Variants in DISP3 observed in about 807,000 individuals in gnomAD.
DISP3 encodes the protein dispatched RND transporter family member 3.
In DISP3, 101 loss-of-function variants were observed where a neutral mutation model predicts 135.3. The observed-to-expected ratio is 0.75, with a 90% CI of 0.64 to 0.88. DISP3 has a LOEUF of 0.88. Among genes scored for constraint, DISP3 ranks in the 40% least tolerant of loss-of-function variants. The pLI is 0.00. For synonymous variants in DISP3, 856 were observed against 817.0 expected (o/e 1.05, Z -0.81); for missense variants, 1,713 against 1,878.6 (o/e 0.91, Z 1.63).
rs1396002200 is a variant in DISP3, at chr1:11,494,635, CCCAAAA to C, written c.-3-6353_-3-6348del. Among the ~76,000 whole-genome samples the C allele has an allele frequency of 7.9e-4, 121 of 152,264 alleles. 1 individual carries two copies. The highest frequency in any genetic ancestry group is 3.4e-3 in the Middle Eastern group (1 of 294). On this transcript the variant is annotated intron_variant, in intron 1 of 20. Transcript: ENST00000294484. ...CAAAATAACTCATTTTGAGCTTCTG[CCCAAAA>C]CTCTCGACCCAAGGGTAAGAGAATC...
rs1642021789 is a variant in DISP3, at chr1:11,516,698, C to T, written c.1749+537C>T. On this transcript the variant is annotated intron_variant, in intron 6 of 20. Coordinates refer to ENST00000294484, the MANE Select transcript of DISP3 (RefSeq NM_020780.2). This position sits in a 1 kb window ranked among gnomAD's most constrained non-coding sequence, Gnocchi z 5.1. ...TTGAGCCCAGGCTGGGTCCTTGGTA[C>T]AGAAAGACAGTGAATTGGCCCAAGT... is the stretch of plus-strand genomic sequence containing the variant. Among the ~76,000 whole-genome samples, 1 of 152,176 alleles carries T rather than the reference C, an allele frequency of 6.6e-6. No individual in the cohort carries two copies. Among genetic ancestry groups the T allele is most frequent in the Admixed American group, 6.5e-5 (1 of 15,278 alleles).
At chr1:11,522,583 A>G (rs61773863) in intron 10 of DISP3, among the ~76,000 whole-genome samples, 13,284 of 52,102 alleles carry the variant, frequency 0.25, 305 homozygotes, top group East Asian at 0.39. Context: ...GACCCAGCCA[A>G]GACCCAGCCA....
In DISP3 at chr1:11,536,632, CG is replaced by C. The variant is rs1557625793; in HGVS notation, c.4126del (p.Val1376CysfsTer149). On this transcript the variant is annotated frameshift_variant, in exon 21 of 21. Transcript: ENST00000294484. LOFTEE classifies it high-confidence loss of function. The surrounding 1 kb of genome is among the most constrained non-coding windows in gnomAD (Gnocchi z 4.3). ...GGGCCCTGGGGCTGGGTGCCTGCCT[CG>C]TGCTCCTGCAGAGCGGCTATAAGAT... ...AGALGLGACLVLLQSGYKIPL... is the reference protein window; with the variant it reads ...AGALGLGACLXLLQSGYKIPL... 5 of 1,604,510 alleles carry C rather than the reference CG, an allele frequency of 3.1e-6. No individual in the cohort carries two copies. The highest frequency in any genetic ancestry group is 4.2e-6 in the Non-Finnish European group (5 of 1,176,826).
intron 1 of DISP3, among the ~76,000 whole-genome samples, chr1:11,485,952 G>A (rs1428284343): frequency 6.6e-6 from 1 of 152,170 alleles, no homozygotes; most frequent in Non-Finnish European, 1.5e-5. Context: ...TTGAGGATGA[G>A]TATGATTGAA....
In DISP3 at chr1:11,536,894, G is replaced by T. The variant is rs1433206816; in HGVS notation, c.*208G>T. On this transcript the variant is annotated 3_prime_UTR_variant, in exon 21 of 21. Transcript: ENST00000294484. The surrounding 1 kb of genome is among the most constrained non-coding windows in gnomAD (Gnocchi z 4.3). ...GGAGACAGCCGCCACCCCACAGGCC[G>T]GGCTACTGGCAGCCACACTCGGCTT... 3 of 694,976 alleles carry T rather than the reference G, an allele frequency of 4.3e-6. No individual in the cohort carries two copies. Among genetic ancestry groups the T allele is most frequent in the Non-Finnish European group, 6.9e-6 (3 of 437,238 alleles). The allele number at this position is 694,976 out of a possible 1,614,324, so 43.1% of individuals were successfully genotyped here.
intron 11 of DISP3, 86 bp downstream of exon 11, chr1:11,524,141 G>A (rs1642338751): frequency 2.9e-6 from 3 of 1,038,878 alleles, no homozygotes; most frequent in Non-Finnish European, 2.9e-6. Flanking sequence ...AATTCCTTCT[G>A]GATTCTCCTT....
In DISP3 at chr1:11,519,413, G is replaced by A. The variant is rs2072994; in HGVS notation, c.1948G>A (p.Ala650Thr). 938,573 of 1,613,438 alleles carry A rather than the reference G, an allele frequency of 0.58. 287,725 individuals carry two copies. The highest frequency in any genetic ancestry group is 0.69 in the Admixed American group (41,478 of 59,980). Residue 650 changes from alanine (A) to threonine (T), a missense_variant, in exon 8 of 21, where the codon GCT (alanine) becomes ACT (threonine). This residue lies in a region of DISP3 where 1,142 missense variants were observed against 1,384.6 expected (regional missense o/e 0.82). Coordinates refer to ENST00000294484, the MANE Select transcript of DISP3 (RefSeq NM_020780.2). This position sits in a 1 kb window ranked among gnomAD's most constrained non-coding sequence, Gnocchi z 4.3. ...SLHFPGDVFA[A>T]PEQVGGSPAQ... is the part of the protein sequence containing the mutation. The stretch of plus-strand genomic sequence containing the variant: ...GCACTTCCCCGGAGACGTGTTTGCC[G>A]CTCCCGAGCAGGTTGGAGGCAGCCC...
At chr1:11,494,459 A>G (rs1251849863) in intron 1 of DISP3, among the ~76,000 whole-genome samples, 1 of 152,052 alleles carries the variant, frequency 6.6e-6, no homozygotes, top group Non-Finnish European at 1.5e-5. Context: ...TCTCGGGGAA[A>G]GGTTTGGGAT....
At chr1:11,493,109 G>A (rs942529959) in intron 1 of DISP3, among the ~76,000 whole-genome samples, 1 of 152,168 alleles carries the variant, frequency 6.6e-6, no homozygotes, top group African/African-American at 2.4e-5. Context: ...GATTATGGAG[G>A]CTGAGAAGCC....
intron 1 of DISP3, among the ~76,000 whole-genome samples, chr1:11,487,375 C>T (rs1035002911): frequency 6.6e-6 from 1 of 152,200 alleles, no homozygotes; most frequent in Admixed American, 6.5e-5. Flanking sequence ...GGCAGCTGAG[C>T]CCAGCTCTGG....
chr1:11,534,516 A>T lies in DISP3; in HGVS notation c.3511A>T (p.Lys1171Ter). The T allele has an allele frequency of 6.2e-7, 1 of 1,610,812 alleles. No homozygotes were observed. The highest frequency in any genetic ancestry group is 8.5e-7 in the Non-Finnish European group (1 of 1,177,644). Residue 1171 changes from lysine (K) to a stop codon, truncating the protein, a stop_gained, in exon 18 of 21, where the codon AAG becomes TAG. Coordinates refer to ENST00000294484, the MANE Select transcript of DISP3 (RefSeq NM_020780.2). LOFTEE classifies it high-confidence loss of function. ...RRGFQTCEHW[K>*]QIFMEIVGVQ... is the part of the protein sequence containing the mutation. Reference sequence around the variant, plus strand: ...GGGCTTCCAGACCTGCGAGCACTGGAAGCAGATATTCATGGAAATCGTAGG... The same window carrying T: ...GGGCTTCCAGACCTGCGAGCACTGGTAGCAGATATTCATGGAAATCGTAGG...
In DISP3 at chr1:11,501,416, G is replaced by T; in HGVS notation, c.424G>T (p.Asp142Tyr). The change falls in exon 2 of 21, where the codon GAC becomes TAC. Residue 142 changes from aspartate to tyrosine, a missense_variant. Physicochemically the swap from Asp to Tyr is radical, Grantham distance 160. This residue lies in a region of DISP3 where 571 missense variants were observed against 494.1 expected (regional missense o/e 1.16). Coordinates refer to ENST00000294484, the MANE Select transcript of DISP3 (RefSeq NM_020780.2). The surrounding 1 kb of genome is among the most constrained non-coding windows in gnomAD (Gnocchi z 4.9). ...SWGRNRRDLA[D>Y]FTSETLQRLI... ...GGGGCGGAACCGGCGCGATTTGGCC[G>T]ACTTCACCTCCGAGACGCTTCAGCG... is the stretch of plus-strand genomic sequence containing the variant. The T allele has an allele frequency of 1.3e-6, 2 of 1,595,706 alleles. No homozygotes were observed. Among genetic ancestry groups the T allele is most frequent in the Non-Finnish European group, 1.7e-6 (2 of 1,171,552 alleles).
chr1:11,522,903 A>AGCCCAGCCAGG (rs1642281013), intron 10 of DISP3, among the ~76,000 whole-genome samples: 3 of 21,280 alleles, frequency 1.4e-4, no homozygotes, highest in African/African-American at 4.0e-4. Flanking sequence ...ACCCAGCCAG[A>AGCCCAGCCAGG]GCCCAGCCAG....
At chr1:11,513,554 A>G (rs1641917763) in intron 3 of DISP3, among the ~76,000 whole-genome samples, 1 of 148,086 alleles carries the variant, frequency 6.8e-6, no homozygotes, top group African/African-American at 2.6e-5. Flanking sequence ...GCTTTTTAAG[A>G]TTTTCTTTTG....
chr1:11,536,706 A>G lies in DISP3; in HGVS notation c.*20A>G, dbSNP rs773043120. The stretch of plus-strand genomic sequence containing the variant: ...CTATAGCCCGGGACGGGCTCTGGAC[A>G]CTTGCACCTTTGGTCCCATGGGTGG... On this transcript the variant is annotated 3_prime_UTR_variant, in exon 21 of 21. Transcript: ENST00000294484. This position sits in a 1 kb window ranked among gnomAD's most constrained non-coding sequence, Gnocchi z 4.3. The G allele has an allele frequency of 1.3e-6, 2 of 1,510,188 alleles. No homozygotes were observed. Among genetic ancestry groups the G allele is most frequent in the Non-Finnish European group, 1.8e-6 (2 of 1,131,748 alleles). The allele number at this position is 1,510,188 out of a possible 1,614,324, so 93.5% of individuals were successfully genotyped here.
rs528569282 is a variant in DISP3 at position 11,519,445 on chromosome 1, G to A, written c.1980G>A (p.Gln660=). 6.2e-7 allele frequency: 1 copy of A among 1,613,712 alleles called. No homozygotes were observed. Among genetic ancestry groups the A allele is most frequent in the East Asian group, 2.2e-5 (1 of 44,878 alleles). ...AGCAGGTTGGAGGCAGCCCTGCCCA[G>A]GGCCCCATACCCTACCTGGATGATG... ...APEQVGGSPA[Q]GPIPYLDDDI... The change falls in exon 8 of 21, where the codon CAG becomes CAA. Residue 660 remains glutamine (Q), a synonymous_variant. Coordinates refer to ENST00000294484, the MANE Select transcript of DISP3 (RefSeq NM_020780.2). This position sits in a 1 kb window ranked among gnomAD's most constrained non-coding sequence, Gnocchi z 4.3.
chr1:11,497,221 T>G (rs994999397), intron 1 of DISP3, among the ~76,000 whole-genome samples: 1 of 152,152 alleles, frequency 6.6e-6, no homozygotes, highest in Non-Finnish European at 1.5e-5. Context: ...TTAAAAAATT[T>G]TTCCATAGGT....
At chr1:11,486,664 C>T (rs971391435) in intron 1 of DISP3, among the ~76,000 whole-genome samples, 7 of 152,002 alleles carry the variant, frequency 4.6e-5, no homozygotes, top group Non-Finnish European at 7.4e-5. Context: ...GAGTTGAAGA[C>T]ATCACTAAGT....
rs1641436151 is a variant in DISP3 at position 11,499,394 on chromosome 1, T to C, written c.-3-1596T>C. Among the ~76,000 whole-genome samples, 1 of 152,148 alleles carries C rather than the reference T, an allele frequency of 6.6e-6. No homozygotes were observed. Among genetic ancestry groups the C allele is most frequent in the South Asian group, 2.1e-4 (1 of 4,828 alleles). On this transcript the variant is annotated intron_variant, in intron 1 of 20. Coordinates refer to ENST00000294484, the MANE Select transcript of DISP3 (RefSeq NM_020780.2). This position sits in a 1 kb window ranked among gnomAD's most constrained non-coding sequence, Gnocchi z 5.2. Reference sequence around the variant, plus strand: ...AGAGGCTCCCACACTCACCTCCACATGCAGACTTGGTTTTTCCCTTTGGAG... The same window carrying C: ...AGAGGCTCCCACACTCACCTCCACACGCAGACTTGGTTTTTCCCTTTGGAG...
Sources: allele counts gnomAD v4.1 joint callset (sites outside exome capture counted in the v4.1 genomes callset), GRCh38; gene constraint gnomAD v4.1.1; regional missense constraint gnomAD v4.1.1; non-coding constraint Gnocchi (gnomAD v3.1); transcripts MANE v1.5; gene names NCBI Gene and HGNC (gene_info 2026-07-23, HGNC 2026-07-21).